ITGA8: variants seen among roughly 807,000 people sequenced by gnomAD.
ITGA8 encodes integrin subunit alpha 8, also known as integrin alpha-8.
Under a neutral mutation model 142.3 loss-of-function variants are expected in ITGA8, and 91 were observed. That is an observed-to-expected ratio of 0.64 (90% confidence interval 0.54 to 0.76). The LOEUF is 0.76. Ranked by LOEUF, ITGA8 falls within the 30% of genes least tolerant of loss-of-function variation. The pLI is 0.00. For missense variants in ITGA8, 1,406 were observed against 1,327.7 expected (o/e 1.06, Z -0.92); for synonymous variants, 505 against 485.2 (o/e 1.04, Z -0.54).
intron 4 of ITGA8, among the ~76,000 whole-genome samples, chr10:15,682,635 G>A (rs755059930): frequency 1.3e-5 from 2 of 152,020 alleles, no homozygotes; most frequent in Non-Finnish European, 2.9e-5. Flanking sequence ...CGGATGGATC[G>A]CATGAGCACA....
intron 27 of ITGA8, among the ~76,000 whole-genome samples, chr10:15,533,156 CT>C (rs933643305): frequency 2.6e-5 from 4 of 152,272 alleles, no homozygotes; most frequent in African/African-American, 7.2e-5. Context: ...TTACAAAGTT[CT>C]TTTTCCCCTG....
At chr10:15,692,404 G>A (rs1397484661) in intron 2 of ITGA8, among the ~76,000 whole-genome samples, 1 of 152,158 alleles carries the variant, frequency 6.6e-6, no homozygotes, top group East Asian at 1.9e-4. Context: ...CTTAAGATTT[G>A]CATTTCAGAG....
intron 28 of ITGA8, among the ~76,000 whole-genome samples, chr10:15,530,127 G>A (rs1833258637): frequency 6.6e-6 from 1 of 152,234 alleles, no homozygotes; most frequent in African/African-American, 2.4e-5. Flanking sequence ...TGGTGATGGT[G>A]CCTGCTGGTC....
chr10:15,685,166 G>A (rs1448051037), intron 3 of ITGA8, among the ~76,000 whole-genome samples: 1 of 152,192 alleles, frequency 6.6e-6, no homozygotes, highest in African/African-American at 2.4e-5. Flanking sequence ...CACCACAGGT[G>A]AGGCAATTCA....
At chr10:15,670,804 C>G (rs188292018) in intron 8 of ITGA8, among the ~76,000 whole-genome samples, 1 of 152,172 alleles carries the variant, frequency 6.6e-6, no homozygotes, top group African/African-American at 2.4e-5. Context: ...CCCGTAAAAC[C>G]GGACATGAGC....
chr10:15,542,768 C>T (rs1004913102), intron 27 of ITGA8, among the ~76,000 whole-genome samples: 2 of 152,188 alleles, frequency 1.3e-5, no homozygotes, highest in Non-Finnish European at 2.9e-5. Flanking sequence ...GTTTGCTCAT[C>T]TGTAAAATGC....
At chr10:15,554,718 C>CCTTT (rs140932453) in intron 26 of ITGA8, among the ~76,000 whole-genome samples, 9,073 of 148,976 alleles carry the variant, frequency 0.061, 327 homozygotes, top group Middle Eastern at 0.11. Flanking sequence ...CTTTGCAAAT[C>CCTTT]CTTTCTTTCT....
chr10:15,685,022 A>G (rs968273774), intron 3 of ITGA8, among the ~76,000 whole-genome samples: 1 of 152,106 alleles, frequency 6.6e-6, no homozygotes, highest in African/African-American at 2.4e-5. Context: ...TTGGTTTTTC[A>G]CTTCATGGTT....
At chr10:15,550,309 G>T (rs556079670) in intron 26 of ITGA8, among the ~76,000 whole-genome samples, 1 of 152,072 alleles carries the variant, frequency 6.6e-6, no homozygotes, top group Non-Finnish European at 1.5e-5. Context: ...TATCAGCAGC[G>T]TGAAAATGGA....
intron 2 of ITGA8, among the ~76,000 whole-genome samples, chr10:15,703,425 T>C (rs1426391716): frequency 1.3e-5 from 2 of 152,184 alleles, no homozygotes; most frequent in African/African-American, 4.8e-5. Flanking sequence ...CACATATAAA[T>C]TGACTAAGTA....
intron 12 of ITGA8, among the ~76,000 whole-genome samples, chr10:15,644,700 GA>G (rs1406428267): frequency 6.6e-6 from 1 of 150,738 alleles, no homozygotes. Flanking sequence ...AAGCAGTATC[GA>G]AACTCTAAAG....
intron 2 of ITGA8, among the ~76,000 whole-genome samples, chr10:15,711,852 C>T (rs1298329974): frequency 6.6e-6 from 1 of 152,226 alleles, no homozygotes; most frequent in Non-Finnish European, 1.5e-5. Flanking sequence ...TGCAGACCTT[C>T]AGGCCAATAC....
chr10:15,593,302 A>G (rs1261403812), intron 21 of ITGA8, among the ~76,000 whole-genome samples: 2 of 152,240 alleles, frequency 1.3e-5, no homozygotes, highest in East Asian at 3.9e-4. Flanking sequence ...TAAAAATAAT[A>G]GTTAACACAT....
intron 5 of ITGA8, 63 bp from the exon 6 acceptor site, chr10:15,677,700 G>T: frequency 2.0e-6 from 3 of 1,504,848 alleles, no homozygotes; most frequent in Non-Finnish European, 2.7e-6. Flanking sequence ...ATTTTTAAAG[G>T]GTGATAAATT....
intron 13 of ITGA8, among the ~76,000 whole-genome samples, chr10:15,638,680 A>G (rs1039527614): frequency 6.6e-6 from 1 of 152,122 alleles, no homozygotes; most frequent in African/African-American, 2.4e-5. Flanking sequence ...ACTTGTTTCC[A>G]TTTAGCATTT....
intron 1 of ITGA8, 99 bp from the exon 2 acceptor site, chr10:15,718,998 C>A: frequency 6.5e-7 from 1 of 1,534,804 alleles, no homozygotes; most frequent in Non-Finnish European, 8.9e-7. Flanking sequence ...CTGGGGCAGG[C>A]GTGGAGGGCA....
chr10:15,698,817 T>C (rs971922573), intron 2 of ITGA8, among the ~76,000 whole-genome samples: 1 of 152,236 alleles, frequency 6.6e-6, no homozygotes, highest in African/African-American at 2.4e-5. Context: ...ATTAGTCCTT[T>C]GTCAGATGTA....
At chr10:15,629,786 G>C (rs1833652386) in intron 13 of ITGA8, among the ~76,000 whole-genome samples, 1 of 151,936 alleles carries the variant, frequency 6.6e-6, no homozygotes, top group Admixed American at 6.5e-5. Context: ...AATTAGTTGG[G>C]TGTGCTGGCA....
At chr10:15,652,358 C>T (rs1027339739) in intron 11 of ITGA8, among the ~76,000 whole-genome samples, 7 of 151,742 alleles carry the variant, frequency 4.6e-5, no homozygotes, top group African/African-American at 9.7e-5. Flanking sequence ...GGAATGAATC[C>T]GTGCAGCAGG....
Sources: gnomAD v4.1 joint callset for allele counts (sites outside exome capture counted in the v4.1 genomes callset) on GRCh38, gnomAD v4.1.1 for gene constraint, MANE v1.5 for transcripts, NCBI Gene and HGNC (gene_info 2026-07-23, HGNC 2026-07-21) for gene names.